Variants in DISP1 observed in about 807,000 individuals in gnomAD.
The protein encoded by DISP1 is protein dispatched homolog 1.
DISP1 carries 30 observed loss-of-function variants against 37.3 expected under a neutral mutation model. The observed-to-expected ratio is 0.80, with a 90% CI of 0.60 to 1.09. The LOEUF (loss-of-function observed/expected upper bound fraction) is 1.09. DISP1 is among the 50% of genes least tolerant of loss of function. DISP1 has a pLI of 0.00. For synonymous variants in DISP1, 634 were observed against 690.2 expected, an observed-to-expected ratio of 0.92 and a Z score of 1.28; for missense variants, 1,598 against 1,879.5, an observed-to-expected ratio of 0.85 and a Z score of 2.77.
rs1671060142 is a variant in DISP1, at chr1:222,893,553, G to T, written c.-158-34877G>T. 6.6e-6 allele frequency among the ~76,000 whole-genome samples: 1 copy of T among 152,364 alleles called. No individual in the cohort carries two copies. The highest frequency in any genetic ancestry group is 1.5e-5 in the Non-Finnish European group (1 of 68,032). On this transcript the variant is annotated intron_variant, in intron 1 of 8. Coordinates refer to ENST00000675850, the MANE Select transcript of DISP1 (RefSeq NM_001377229.1). This position sits in a 1 kb window ranked among gnomAD's most constrained non-coding sequence, Gnocchi z 4.3. ...GCACAGACAGCTAGGCACATCAGCT[G>T]CTGTGGCAGGGCGGGCAGCCCCAGG... is the stretch of plus-strand genomic sequence containing the variant.
chr1:222,878,076 C>T (rs983233042), intron 1 of DISP1, among the ~76,000 whole-genome samples: 1 of 152,160 alleles, frequency 6.6e-6, no homozygotes, highest in African/African-American at 2.4e-5. Context: ...CATTGGAAGC[C>T]ACTGACTATT....
intron 3 of DISP1, among the ~76,000 whole-genome samples, chr1:222,960,743 A>G (rs1675993949): frequency 6.6e-6 from 1 of 152,094 alleles, no homozygotes. Context: ...AAGAAAAGAG[A>G]GAAGAATCAA....
At chr1:222,843,190 C>T (rs1464103714) in intron 1 of DISP1, among the ~76,000 whole-genome samples, 2 of 151,358 alleles carry the variant, frequency 1.3e-5, no homozygotes, top group East Asian at 3.9e-4. Context: ...TTAAAAAAAA[C>T]AGAATAGTTT....
At chr1:222,996,400 G>A (rs903450075) in intron 8 of DISP1, among the ~76,000 whole-genome samples, 6 of 152,094 alleles carry the variant, frequency 3.9e-5, no homozygotes, top group African/African-American at 1.4e-4. Flanking sequence ...CATTTTACAC[G>A]GATGATAAAT....
intron 1 of DISP1, among the ~76,000 whole-genome samples, chr1:222,914,661 A>G (rs1558326709): frequency 1.3e-5 from 2 of 151,742 alleles, no homozygotes; most frequent in Non-Finnish European, 2.9e-5. Context: ...AAAGGTGTAA[A>G]TAAGTTAAGA....
Position 223,005,479 on chromosome 1 carries a change from A to T in DISP1, c.4082A>T (p.Gln1361Leu), listed in dbSNP as rs1175560522. The T allele has an allele frequency of 4.3e-6, 7 of 1,613,970 alleles. No homozygotes were observed. Among genetic ancestry groups the T allele is most frequent in the Non-Finnish European group, 5.9e-6 (7 of 1,180,038 alleles). The change falls in exon 9 of 9, where the codon CAG becomes CTG. Residue 1361 changes from glutamine to leucine, a missense_variant. Coordinates refer to ENST00000675850, the MANE Select transcript of DISP1 (RefSeq NM_001377229.1). Reference protein sequence around the residue: ...LPRNFFLHPVQHIQAQEKIGK... With the variant: ...LPRNFFLHPVLHIQAQEKIGK... ...AGGAATTTTTTCCTCCACCCAGTGC[A>T]GCACATTCAGGCCCAAGAAAAAATT...
intron 1 of DISP1, among the ~76,000 whole-genome samples, chr1:222,853,028 G>GT (rs1202848704): frequency 1.3e-5 from 2 of 152,156 alleles, no homozygotes; most frequent in African/African-American, 4.8e-5. Flanking sequence ...TGAGGAGAGA[G>GT]TAAATGTTGC....
chr1:222,990,735 C>G lies in DISP1; in HGVS notation c.650C>G (p.Ser217Cys), dbSNP rs1351765998. 1 of 1,613,998 alleles carries G rather than the reference C, an allele frequency of 6.2e-7. No individual in the cohort carries two copies. The highest frequency in any genetic ancestry group is 1.3e-5 in the African/African-American group (1 of 74,928). Residue 217 changes from serine to cysteine, a missense_variant, in exon 5 of 9, where the codon TCT (serine) becomes TGT (cysteine). Physicochemically the swap from Ser to Cys is moderately radical, Grantham distance 112. Coordinates refer to ENST00000675850, the MANE Select transcript of DISP1 (RefSeq NM_001377229.1). ...GVLVPELPDF[S>C]DPLLGFEPRG... ...TTAGTGCCAGAGCTCCCTGACTTCT[C>G]TGATCCATTGCTGGTAACTAACTTT... is the stretch of plus-strand genomic sequence containing the variant.
chr1:222,957,764 A>G lies in DISP1; in HGVS notation c.509+14432A>G, dbSNP rs145226152. 9.5e-4 allele frequency among the ~76,000 whole-genome samples: 144 copies of G among 152,302 alleles called. 1 individual carries two copies. Among genetic ancestry groups the G allele is most frequent in the East Asian group, 5.8e-3 (30 of 5,170 alleles). On this transcript the variant is annotated intron_variant, in intron 3 of 8. Coordinates refer to ENST00000675850, the MANE Select transcript of DISP1 (RefSeq NM_001377229.1). ...CAAGATCTCTCCCCTATTCCTGCCC[A>G]GTCTTAGATAACACAATTCCTTTCT...
intron 1 of DISP1, among the ~76,000 whole-genome samples, chr1:222,840,400 C>G (rs1667519962): frequency 6.6e-6 from 1 of 151,954 alleles, no homozygotes; most frequent in Non-Finnish European, 1.5e-5. Flanking sequence ...CATCACCATG[C>G]CTGGCTAATT....
At chr1:222,885,981 G>A (rs1670574441) in intron 1 of DISP1, among the ~76,000 whole-genome samples, 1 of 151,872 alleles carries the variant, frequency 6.6e-6, no homozygotes, top group South Asian at 2.1e-4. Flanking sequence ...ATTTTCTGGT[G>A]CTTTGCCATG....
rs558951054 is a variant in DISP1, at chr1:222,831,532, AAT to A, written c.-159+16456_-159+16457del. ...CCTACAGCTTAGAACTGCTGAATTT[AAT>A]AAGCTGTATACTAGTTTTTTGTCAT... On this transcript the variant is annotated intron_variant, in intron 1 of 8. Transcript: ENST00000675850. Among the ~76,000 whole-genome samples the A allele has an allele frequency of 2.7e-3, 409 of 152,354 alleles. 4 individuals are homozygous for A. Among genetic ancestry groups the A allele is most frequent in the African/African-American group, 9.5e-3 (393 of 41,582 alleles).
At chr1:222,897,238 A>G (rs1671315086) in intron 1 of DISP1, among the ~76,000 whole-genome samples, 1 of 152,234 alleles carries the variant, frequency 6.6e-6, no homozygotes, top group Non-Finnish European at 1.5e-5. Context: ...TATATATTAT[A>G]TAGTTCCATT....
intron 1 of DISP1, among the ~76,000 whole-genome samples, chr1:222,880,652 A>G (rs573428852): frequency 6.6e-6 from 1 of 152,344 alleles, no homozygotes; most frequent in South Asian, 2.1e-4. Flanking sequence ...AAGAGTGGGC[A>G]ACATTTTCCT....
chr1:222,987,067 C>A (rs977685369), intron 4 of DISP1, among the ~76,000 whole-genome samples: 21 of 143,352 alleles, frequency 1.5e-4, no homozygotes, highest in Non-Finnish European at 2.5e-4. Context: ...ATATATATAG[C>A]ATCATCAAAT....
At chr1:222,830,682 C>T (rs1339846323) in intron 1 of DISP1, among the ~76,000 whole-genome samples, 1 of 152,052 alleles carries the variant, frequency 6.6e-6, no homozygotes, top group East Asian at 1.9e-4. Flanking sequence ...GTGCCTGGCT[C>T]CTTCCACCCT....
chr1:222,955,012 A>G (rs1452019735), intron 3 of DISP1, among the ~76,000 whole-genome samples: 2 of 151,880 alleles, frequency 1.3e-5, no homozygotes, highest in African/African-American at 2.4e-5. Context: ...GGGCCAGAGA[A>G]GGCATCACAA....
chr1:222,909,937 C>T (rs1221892376), intron 1 of DISP1, among the ~76,000 whole-genome samples: 2 of 152,114 alleles, frequency 1.3e-5, no homozygotes, highest in African/African-American at 2.4e-5. Flanking sequence ...GCCAGCTCTG[C>T]CTGGGGCTGT....
chr1:222,995,387 G>T (rs539816712), intron 8 of DISP1, among the ~76,000 whole-genome samples: 1 of 152,214 alleles, frequency 6.6e-6, no homozygotes, highest in Admixed American at 6.5e-5. Flanking sequence ...TGAAATGCCT[G>T]CCTCTCTGGC....
Sources: allele counts gnomAD v4.1 joint callset (sites outside exome capture counted in the v4.1 genomes callset), GRCh38; gene constraint gnomAD v4.1.1; non-coding constraint Gnocchi (gnomAD v3.1); transcripts MANE v1.5; gene names NCBI Gene and HGNC (gene_info 2026-07-23, HGNC 2026-07-21).